The following AR variants were observed in gnomAD, a reference collection of about 807,000 sequenced individuals.
The protein encoded by AR is dihydrotestosterone receptor.
AR carries 8 observed loss-of-function variants against 53.9 expected under a neutral mutation model. The ratio of observed to expected loss-of-function variants is 0.15; its 90% CI spans 0.09 to 0.27. AR has a LOEUF of 0.27. Ranked by LOEUF, AR falls within the 10% of genes least tolerant of loss-of-function variation. The pLI, the probability that AR is intolerant of heterozygous loss-of-function variation, is 1.00. For missense variants in AR, 639 were observed against 742.5 expected, an observed-to-expected ratio of 0.86 and a Z score of 1.62; for synonymous variants, 359 against 316.4, an observed-to-expected ratio of 1.13 and a Z score of -1.43.
chrX:67,670,450 G>C (rs2075857394), intron 2 of AR, among the ~76,000 whole-genome samples: 2 of 105,060 alleles, frequency 1.9e-5, no homozygotes, highest in Admixed American at 1.1e-4. Flanking sequence ...CACGCTGCCT[G>C]AAAGTAAAGG....
In AR at chrX:67,709,735, G is replaced by T. The variant is rs113907706; in HGVS notation, c.1886-1667G>T. On this transcript the variant is annotated intron_variant, in intron 3 of 7. Transcript: ENST00000374690. ...ATCACTCATCTTCTGCGTCACTCAC[G>T]CTGGGAGCTGTAGACTGGAGCTGTT... Among the ~76,000 whole-genome samples, 370 of 112,137 alleles carry T rather than the reference G, an allele frequency of 3.3e-3. 1 individual carries two copies. The highest frequency in any genetic ancestry group is 0.011 in the African/African-American group (349 of 30,845).
intron 1 of AR, among the ~76,000 whole-genome samples, chrX:67,612,705 T>C (rs1461601144): frequency 8.9e-6 from 1 of 112,107 alleles, no homozygotes; most frequent in Non-Finnish European, 1.9e-5. Context: ...ATCAACCATT[T>C]AAAATCTTCA....
intron 2 of AR, among the ~76,000 whole-genome samples, chrX:67,646,951 T>C (rs1439877152): frequency 3.6e-5 from 4 of 111,110 alleles, no homozygotes; most frequent in African/African-American, 1.3e-4. Context: ...GAGTGTACTA[T>C]GGATGGAGTG....
At chrX:67,546,939 T>G (rs1929790009) in intron 1 of AR, among the ~76,000 whole-genome samples, 177 bp downstream of exon 1, 1 of 109,933 alleles carries the variant, frequency 9.1e-6, no homozygotes, top group African/African-American at 3.3e-5. Flanking sequence ...TAACCTGAGC[T>G]CTCCTAATTT....
Position 67,544,991 on chromosome X carries a change from G to GT in AR, c.-155dup, listed in dbSNP as rs1929631423. On this transcript the variant is annotated 5_prime_UTR_variant, in exon 1 of 8. Transcript: ENST00000374690. ...TTGAGGCTGTCAGAGCGCTTTTTGC[G>GT]TGGTTGCTCCCGCAAGTTTCCTTCT... The GT allele has an allele frequency of 1.2e-6, 1 of 841,455 alleles. No homozygotes were observed. Among genetic ancestry groups the GT allele is most frequent in the African/African-American group, 2.1e-5 (1 of 48,384 alleles). The allele number at this position is 841,455 out of a possible 1,213,427, so 69.3% of individuals were successfully genotyped here.
intron 1 of AR, among the ~76,000 whole-genome samples, chrX:67,560,332 A>G (rs1921242399): frequency 8.9e-6 from 1 of 111,735 alleles, no homozygotes; most frequent in South Asian, 3.8e-4. Flanking sequence ...GGATTAGTGC[A>G]GTGATCCCAC....
intron 1 of AR, among the ~76,000 whole-genome samples, chrX:67,612,316 A>G (rs1923919827): frequency 8.9e-6 from 1 of 111,993 alleles, no homozygotes; most frequent in Non-Finnish European, 1.9e-5. Context: ...ACCTGTCTTG[A>G]ATTCAGAACT....
chrX:67,686,105 G>A lies in AR; in HGVS notation c.1864G>A (p.Glu622Lys), dbSNP rs910692639. 14 of 1,210,251 alleles carry A rather than the reference G, an allele frequency of 1.2e-5. No individual in the cohort carries two copies. The highest frequency in any genetic ancestry group is 1.6e-5 in the Non-Finnish European group (14 of 894,369). Residue 622 changes from glutamate to lysine, a missense_variant, in exon 3 of 8, where the codon GAA becomes AAA. Around this residue, in one of 5 missense-constraint regions of AR, gnomAD observed 47 missense variants for 35.9 expected, o/e 1.31. Coordinates refer to ENST00000374690, the MANE Select transcript of AR (RefSeq NM_000044.6). ...CPSCRLRKCY[E>K]AGMTLGARKL... The stretch of plus-strand genomic sequence containing the variant: ...ATCTTGTCGTCTTCGGAAATGTTAT[G>A]AAGCAGGGATGACTCTGGGAGGTAA...
At chrX:67,711,722 G>A (rs2076094809) in intron 4 of AR, 33 bp downstream of exon 4, 1 of 1,174,314 alleles carries the variant, frequency 8.5e-7, no homozygotes, top group South Asian at 2.0e-5. Context: ...CATGAGATAA[G>A]GGGGATCATA....
At chrX:67,670,575 A>G (rs1030405368) in intron 2 of AR, among the ~76,000 whole-genome samples, 61 of 107,371 alleles carry the variant, frequency 5.7e-4, no homozygotes, top group Admixed American at 1.7e-3. Flanking sequence ...TAATACATTT[A>G]TAAAGCATAT....
At chrX:67,660,672 G>C (rs1926853516) in intron 2 of AR, among the ~76,000 whole-genome samples, 1 of 111,528 alleles carries the variant, frequency 9.0e-6, no homozygotes, top group Admixed American at 9.5e-5. Flanking sequence ...TGTTCTTTTG[G>C]CTTAGGGTTG....
At chrX:67,686,279 C>T in intron 3 of AR, among the ~76,000 whole-genome samples, 153 bp downstream of exon 3, 1 of 111,537 alleles carries the variant, frequency 9.0e-6, no homozygotes, top group Non-Finnish European at 1.9e-5. Context: ...GGCAACGTGG[C>T]CATCAGCCAG....
At chrX:67,568,824 T>C in intron 1 of AR, 1 of 1,113,416 alleles carries the variant, frequency 9.0e-7, no homozygotes, top group South Asian at 2.3e-5. Context: ...GCCAAGTTGC[T>C]CTCTTCTCCA....
intron 3 of AR, 44 bp downstream of exon 3, chrX:67,686,170 C>A: frequency 1.8e-6 from 2 of 1,140,658 alleles, no homozygotes; most frequent in Non-Finnish European, 2.4e-6. Context: ...CTCTCTCCCC[C>A]TTCTCCCTCA....
In AR at chrX:67,650,324, G is replaced by A. The variant is rs1168332627; in HGVS notation, c.1768+6917G>A. Among the ~76,000 whole-genome samples the A allele has an allele frequency of 2.7e-5, 3 of 112,200 alleles. No homozygotes were observed. The East Asian group carries it at 8.5e-4, about 32-fold the overall frequency. ...CTTCAAACTATACTACAAGGCTACA[G>A]TAACCCTTATCAATTTTTTATGTGC... On this transcript the variant is annotated intron_variant, in intron 2 of 7. Coordinates refer to ENST00000374690, the MANE Select transcript of AR (RefSeq NM_000044.6).
chrX:67,708,037 G>T (rs2076076475), intron 3 of AR, among the ~76,000 whole-genome samples: 1 of 111,902 alleles, frequency 8.9e-6, no homozygotes, highest in Non-Finnish European at 1.9e-5. Flanking sequence ...GCTTCCCTTT[G>T]TGGGTAACCC....
intron 3 of AR, among the ~76,000 whole-genome samples, chrX:67,705,604 G>A (rs1201180697): frequency 9.0e-6 from 1 of 111,530 alleles, no homozygotes; most frequent in African/African-American, 3.3e-5. Flanking sequence ...GGGACAATTT[G>A]ACTTCCTCTT....
In AR at chrX:67,724,797, A is replaced by G. The variant is rs974789275; in HGVS notation, c.*956A>G. On this transcript the variant is annotated 3_prime_UTR_variant, in exon 8 of 8. Transcript: ENST00000374690. ...AGTTTTTCTAAGACCTTTGAACTGA[A>G]TGTTCTCTTCAGCCAAAACTTGGCG... 11 of 173,867 alleles carry G rather than the reference A, an allele frequency of 6.3e-5. No individual in the cohort carries two copies. Among genetic ancestry groups the G allele is most frequent in the Middle Eastern group, 1.8e-3 (1 of 555 alleles). 14.3% of individuals were successfully genotyped at this position (173,867 alleles called of 1,213,427 possible).
In AR at chrX:67,729,593, T is replaced by C. The variant is rs889798492; in HGVS notation, c.*5752T>C. 1.2e-5 allele frequency: 2 copies of C among 172,695 alleles called. No individual in the cohort carries two copies. The highest frequency in any genetic ancestry group is 5.9e-5 in the African/African-American group (2 of 33,674). The allele number at this position is 172,695 out of a possible 1,213,427, so 14.2% of individuals were successfully genotyped here. ...ATAGCAAGGTGCTAGGTTTTTTCCT[T>C]TCCCCACCTGTCTCTTAGCCTGGGG... On this transcript the variant is annotated 3_prime_UTR_variant, in exon 8 of 8. Transcript: ENST00000374690.
Sources: allele counts gnomAD v4.1 joint callset (sites outside exome capture counted in the v4.1 genomes callset), GRCh38; gene constraint gnomAD v4.1.1; regional missense constraint gnomAD v4.1.1; transcripts MANE v1.5; gene names NCBI Gene and HGNC (gene_info 2026-07-23, HGNC 2026-07-21).